MACROH2A1: variants seen among roughly 807,000 people sequenced by gnomAD.
MACROH2A1 encodes the protein macroH2A.1 histone, also known as core histone macro-H2A.1.
Under a neutral mutation model 31.6 loss-of-function variants are expected in MACROH2A1, and 2 were observed. The ratio of observed to expected loss-of-function variants is 0.06; its 90% CI spans 0.03 to 0.20. The LOEUF (loss-of-function observed/expected upper bound fraction) is 0.20, where lower values mean the gene tolerates loss of function less well. Among genes scored for constraint, MACROH2A1 ranks in the 10% least tolerant of loss-of-function variants. The pLI is 1.00. For missense variants in MACROH2A1, 230 were observed against 474.0 expected, an observed-to-expected ratio of 0.49 and a Z score of 4.78; for synonymous variants, 169 against 189.6, an observed-to-expected ratio of 0.89 and a Z score of 0.89.
chr5:135,376,902 A>G (rs1764955090), intron 2 of MACROH2A1, among the ~76,000 whole-genome samples: 1 of 152,184 alleles, frequency 6.6e-6, no homozygotes, highest in South Asian at 2.1e-4. Context: ...TCTATCTATA[A>G]CTGGATGATT....
chr5:135,376,675 T>C (rs1328586898), intron 2 of MACROH2A1, among the ~76,000 whole-genome samples: 2 of 152,222 alleles, frequency 1.3e-5, no homozygotes, highest in African/African-American at 2.4e-5. Flanking sequence ...CTGTAAGATG[T>C]GGCCAAGTGC....
intron 4 of MACROH2A1, among the ~76,000 whole-genome samples, chr5:135,363,467 T>C (rs923506072): frequency 3.3e-5 from 5 of 152,258 alleles, no homozygotes; most frequent in African/African-American, 1.2e-4. Flanking sequence ...ATAAAGCCTA[T>C]TGTCTGAAAT....
At chr5:135,386,570 T>A (rs920338433) in intron 2 of MACROH2A1, among the ~76,000 whole-genome samples, 4 of 152,214 alleles carry the variant, frequency 2.6e-5, no homozygotes, top group Non-Finnish European at 5.9e-5. Context: ...TGGCCAGTCC[T>A]ATGCCCTGCT....
intron 4 of MACROH2A1, among the ~76,000 whole-genome samples, chr5:135,367,002 C>T (rs958996641): frequency 6.6e-6 from 1 of 152,158 alleles, no homozygotes; most frequent in Non-Finnish European, 1.5e-5. Context: ...TCAGCTGTCA[C>T]AATTGGAGAT....
rs189627310 is a variant in MACROH2A1 at position 135,349,881 on chromosome 5, T to A, written c.688+3065A>T. 1.9e-4 allele frequency among the ~76,000 whole-genome samples: 29 copies of A among 152,338 alleles called. No individual in the cohort carries two copies. In the East Asian group the frequency reaches 3.9e-3, roughly 20 times the overall value. ...TTTAATGTAATTCCCATCATTACCA[T>A]TACTTAATAGATAGGGAACCTGAAG... On this transcript the variant is annotated intron_variant, in intron 6 of 8. Coordinates refer to ENST00000511689, the MANE Select transcript of MACROH2A1 (RefSeq NM_138610.3).
At chr5:135,366,728 AT>A (rs1240415267) in intron 4 of MACROH2A1, among the ~76,000 whole-genome samples, 1 of 151,950 alleles carries the variant, frequency 6.6e-6, no homozygotes, top group Non-Finnish European at 1.5e-5. Flanking sequence ...TGGGAGCAAA[AT>A]TTTTTTTACT....
intron 6 of MACROH2A1, among the ~76,000 whole-genome samples, chr5:135,352,452 C>T (rs544315872): frequency 1.3e-5 from 2 of 152,310 alleles, no homozygotes; most frequent in African/African-American, 4.8e-5. Context: ...ATACTGTTTT[C>T]AGTTCTAAAG....
At chr5:135,361,040 A>C in intron 4 of MACROH2A1, 1 of 301,270 alleles carries the variant, frequency 3.3e-6, no homozygotes, top group African/African-American at 2.2e-5. Context: ...TAACCCTCTA[A>C]CCTTCCTGAC....
intron 2 of MACROH2A1, among the ~76,000 whole-genome samples, chr5:135,385,144 C>A (rs923541512): frequency 6.6e-6 from 1 of 152,236 alleles, no homozygotes; most frequent in South Asian, 2.1e-4. Context: ...CATCCCATCA[C>A]CATGCCTGCA....
chr5:135,337,759 G>A (rs545182299), intron 8 of MACROH2A1, among the ~76,000 whole-genome samples: 155 of 152,324 alleles, frequency 1.0e-3, no homozygotes, highest in African/African-American at 3.4e-3. Context: ...AGTATCAAAT[G>A]TTTTAGACTT....
chr5:135,387,378 C>T (rs987399775), intron 2 of MACROH2A1, among the ~76,000 whole-genome samples: 7 of 152,224 alleles, frequency 4.6e-5, no homozygotes, highest in Admixed American at 2.0e-4. Context: ...AACACAAAAA[C>T]TTTACCTTCC....
intron 5 of MACROH2A1, chr5:135,359,875 T>C: frequency 1.0e-6 from 1 of 984,720 alleles, no homozygotes; most frequent in Non-Finnish European, 1.2e-6. Flanking sequence ...ATCATTTTTA[T>C]TTTCAATAAA....
At chr5:135,380,531 A>C (rs141413628) in intron 2 of MACROH2A1, among the ~76,000 whole-genome samples, 1,620 of 152,298 alleles carry the variant, frequency 0.011, 25 homozygotes, top group African/African-American at 0.036. Flanking sequence ...GGCAGCATGA[A>C]CTATAAAGCT....
At position 135,369,231 on chromosome 5, in the gene MACROH2A1, C is replaced by G. The variant is rs1234920818; in HGVS notation, c.477+175G>C. On this transcript the variant is annotated intron_variant, in intron 4 of 8. Transcript: ENST00000511689. The surrounding 1 kb of genome is among the most constrained non-coding windows in gnomAD (Gnocchi z 4.3). Reference sequence around the variant, plus strand: ...CAGACTCTGGGAGGGCCTCCTGACTCTGGCTACTTGTGTTGGACTAGCCCC... The same window carrying G: ...CAGACTCTGGGAGGGCCTCCTGACTGTGGCTACTTGTGTTGGACTAGCCCC... The G allele has an allele frequency of 2.9e-6, 2 of 681,424 alleles. No individual in the cohort carries two copies. The highest frequency in any genetic ancestry group is 3.6e-5 in the African/African-American group (2 of 56,012). The allele number at this position is 681,424 out of a possible 1,614,324, so 42.2% of individuals were successfully genotyped here. A position where few individuals can be genotyped will look rare whatever the true frequency, so the allele number is the denominator to read the frequency against.
intron 2 of MACROH2A1, among the ~76,000 whole-genome samples, chr5:135,387,045 G>T (rs960782694): frequency 5.3e-5 from 8 of 152,208 alleles, no homozygotes; most frequent in African/African-American, 1.7e-4. Context: ...AAGGAAATTG[G>T]GGTCCAGGGA....
intron 1 of MACROH2A1, among the ~76,000 whole-genome samples, chr5:135,390,500 G>A (rs771360562): frequency 5.9e-5 from 9 of 152,226 alleles, no homozygotes; most frequent in Admixed American, 4.6e-4. Context: ...AAAGATAAAC[G>A]TAATGCATGC....
chr5:135,336,884 G>T (rs148587793), intron 8 of MACROH2A1, among the ~76,000 whole-genome samples: 1 of 152,274 alleles, frequency 6.6e-6, no homozygotes, highest in East Asian at 1.9e-4. Flanking sequence ...TTCCATTTTT[G>T]GGGGGCATCT....
upstream of MACROH2A1, chr5:135,399,308 G>A (rs1257288449): frequency 3.3e-5 from 5 of 151,930 alleles, no homozygotes; most frequent in East Asian, 9.8e-4. This position sits in a 1 kb window ranked among gnomAD's most constrained non-coding sequence, Gnocchi z 4.5. Context: ...CGAGCGTCCG[G>A]CCTCCGCGCC....
intron 6 of MACROH2A1, among the ~76,000 whole-genome samples, chr5:135,348,909 A>G (rs1190077876): frequency 1.3e-5 from 2 of 152,212 alleles, no homozygotes; most frequent in Non-Finnish European, 1.5e-5. Context: ...GTGCCTATCA[A>G]TGAGTTGTAG....
Sources: gnomAD v4.1 joint callset for allele counts (sites outside exome capture counted in the v4.1 genomes callset) on GRCh38, gnomAD v4.1.1 for gene constraint, Gnocchi (gnomAD v3.1) non-coding constraint, MANE v1.5 for transcripts, NCBI Gene and HGNC (gene_info 2026-07-23, HGNC 2026-07-21) for gene names.